The following FHL2 variants were observed in gnomAD, a reference collection of about 807,000 sequenced individuals.
The protein encoded by FHL2 is four and a half LIM domains 2, also known as four and a half LIM domains protein 2.
Under a neutral mutation model 32.7 loss-of-function variants are expected in FHL2, and 20 were observed. The observed-to-expected ratio is 0.61, with a 90% CI of 0.43 to 0.89. The LOEUF is 0.89. FHL2 is among the 40% of genes least tolerant of loss of function. FHL2 has a pLI of 0.00. For synonymous variants in FHL2, 123 were observed against 128.1 expected (o/e 0.96, Z 0.27); for missense variants, 311 against 358.6 (o/e 0.87, Z 1.07).
intron 1 of FHL2, among the ~76,000 whole-genome samples, chr2:105,420,555 C>A (rs1382633454): frequency 2.0e-5 from 3 of 152,068 alleles, no homozygotes; most frequent in Non-Finnish European, 4.4e-5. Flanking sequence ...TTATTCATAA[C>A]TAATAGTAAC....
rs571063377 is a variant in FHL2 at position 105,412,686 on chromosome 2, G to T, written c.-25+25713C>A. 2.6e-5 allele frequency among the ~76,000 whole-genome samples: 4 copies of T among 152,322 alleles called. No homozygotes were observed. In the East Asian group the frequency reaches 7.7e-4, roughly 29 times the overall value. ...AGCTCCAGGGGAGCCTAAGGTTTAG[G>T]GGGCAGCATCCGCAGAGGTGGCTGA... On this transcript the variant is annotated intron_variant, in intron 1 of 5. Coordinates refer to the FHL2 transcript ENST00000393352.
chr2:105,406,881 C>T (rs1683647251), intron 1 of FHL2, among the ~76,000 whole-genome samples: 1 of 152,130 alleles, frequency 6.6e-6, no homozygotes, highest in Non-Finnish European at 1.5e-5. Flanking sequence ...CTGGTGGACT[C>T]CTGTTTATCC....
At chr2:105,369,162 T>C (rs1680846051) in intron 4 of FHL2, among the ~76,000 whole-genome samples, 1 of 152,164 alleles carries the variant, frequency 6.6e-6, no homozygotes, top group Non-Finnish European at 1.5e-5. Context: ...GAGGGTCACA[T>C]ACATGTGACT....
chr2:105,421,025 A>T (rs1010674877), intron 1 of FHL2, among the ~76,000 whole-genome samples: 26 of 152,184 alleles, frequency 1.7e-4, no homozygotes, highest in African/African-American at 6.0e-4. Flanking sequence ...AGAATGGGGC[A>T]CTGGGGTTGT....
At chr2:105,373,465 C>G (rs1681237689) in intron 4 of FHL2, 94 bp downstream of exon 4, 3 of 1,392,226 alleles carry the variant, frequency 2.2e-6, no homozygotes, top group Non-Finnish European at 3.0e-6. Flanking sequence ...ACACGAGTGT[C>G]TGGAACCAAG....
intron 4 of FHL2, among the ~76,000 whole-genome samples, chr2:105,373,084 A>G (rs1045816607): frequency 2.6e-5 from 4 of 152,148 alleles, no homozygotes; most frequent in African/African-American, 9.7e-5. Flanking sequence ...CGTCTAGAAC[A>G]CCAACTCTAC....
At chr2:105,414,555 G>C (rs747956015) in intron 1 of FHL2, among the ~76,000 whole-genome samples, 1 of 152,056 alleles carries the variant, frequency 6.6e-6, no homozygotes, top group Non-Finnish European at 1.5e-5. Context: ...GTTTGGTTTG[G>C]TTTGGTTTGG....
At chr2:105,394,310 G>A (rs1347974042) in intron 2 of FHL2, among the ~76,000 whole-genome samples, 1 of 152,050 alleles carries the variant, frequency 6.6e-6, no homozygotes, top group Non-Finnish European at 1.5e-5. Context: ...CCTAAAGAGA[G>A]AGGATCTCTT....
intron 1 of FHL2, among the ~76,000 whole-genome samples, chr2:105,420,453 G>A (rs1684067149): frequency 6.6e-6 from 1 of 152,110 alleles, no homozygotes; most frequent in African/African-American, 2.4e-5. Context: ...TTCCGAATAA[G>A]GCCATAGAGT....
rs368662169 is a variant in FHL2, at chr2:105,386,331, C to T, written c.156+30G>A. ...AAACCCGTGTTTCCTAGGGGAGCGC[C>T]GGGGACCCGCAGAGGCCCGCAGCAG... is the stretch of plus-strand genomic sequence containing the variant. On this transcript the variant is annotated intron_variant, in intron 3 of 6. Transcript: ENST00000530340. 2.1e-5 allele frequency: 33 copies of T among 1,608,536 alleles called. No homozygotes were observed. The African/African-American group carries it at 3.1e-4, about 15-fold the overall frequency.
At chr2:105,381,466 G>A (rs1328475572) in intron 3 of FHL2, among the ~76,000 whole-genome samples, 1 of 152,100 alleles carries the variant, frequency 6.6e-6, no homozygotes, top group East Asian at 1.9e-4. Flanking sequence ...GTCAAAGGTG[G>A]AGCCAGGGAG....
At chr2:105,420,693 G>T (rs948704922) in intron 1 of FHL2, among the ~76,000 whole-genome samples, 1 of 152,148 alleles carries the variant, frequency 6.6e-6, no homozygotes, top group Admixed American at 6.5e-5. Flanking sequence ...GAATTGGGAG[G>T]TGGGGGGCAG....
At chr2:105,406,774 T>C (rs1380561502) in intron 1 of FHL2, among the ~76,000 whole-genome samples, 1 of 152,232 alleles carries the variant, frequency 6.6e-6, no homozygotes, top group Non-Finnish European at 1.5e-5. Flanking sequence ...CCCTCGCTGC[T>C]CACTCTCTTT....
chr2:105,437,137 G>A (rs960867057), intron 1 of FHL2, among the ~76,000 whole-genome samples: 10 of 152,142 alleles, frequency 6.6e-5, no homozygotes, highest in African/African-American at 1.4e-4. Context: ...AGGGAACCCC[G>A]TATTGGAAAA....
At chr2:105,435,295 A>G (rs1436645588) in intron 1 of FHL2, among the ~76,000 whole-genome samples, 3 of 152,300 alleles carry the variant, frequency 2.0e-5, no homozygotes, top group Admixed American at 2.0e-4. Context: ...ACATATATGT[A>G]ATGTTTTCAT....
chr2:105,415,797 C>T (rs1311956384), intron 1 of FHL2, among the ~76,000 whole-genome samples: 3 of 152,142 alleles, frequency 2.0e-5, no homozygotes, highest in Non-Finnish European at 4.4e-5. Context: ...TCTTTGTGGC[C>T]CTAACCCCAA....
At chr2:105,405,843 C>A (rs1683614528) in intron 1 of FHL2, among the ~76,000 whole-genome samples, 1 of 152,228 alleles carries the variant, frequency 6.6e-6, no homozygotes, top group Non-Finnish European at 1.5e-5. Flanking sequence ...AGGTAACACC[C>A]TTCACCTTTG....
In FHL2 at chr2:105,405,688, G is replaced by A. The variant is rs374804850; in HGVS notation, c.-24-19148C>T. Among the ~76,000 whole-genome samples the A allele has an allele frequency of 6.6e-5, 10 of 152,320 alleles. No homozygotes were observed. The East Asian group carries it at 1.5e-3, about 23-fold the overall frequency. Reference sequence around the variant, plus strand: ...TTCTCTCTTCACTGCCACCAAGGTCGTTTTGTGCTATTTCCACTTTGATTA... The same window carrying A: ...TTCTCTCTTCACTGCCACCAAGGTCATTTTGTGCTATTTCCACTTTGATTA... On this transcript the variant is annotated intron_variant, in intron 1 of 5. Coordinates refer to the FHL2 transcript ENST00000393352.
chr2:105,367,725 C>T lies in FHL2; in HGVS notation c.346G>A (p.Glu116Lys). ...KTIMPGTRKM[E>K]YKGSSWHETC... ...TCATGCCAGCTGCTGCCCTTGTACTCCATCTTGCGGGTACCTGTCATCAGG... is the reference window on the plus strand; with the variant it reads ...TCATGCCAGCTGCTGCCCTTGTACTTCATCTTGCGGGTACCTGTCATCAGG... The change falls in exon 5 of 7, where the codon GAG (glutamate) becomes AAG (lysine). Residue 116 changes from glutamate (E) to lysine (K), a missense_variant. By Grantham distance (56) the Glu-to-Lys change is moderately conservative (BLOSUM62 1). Coordinates refer to ENST00000530340, the MANE Select transcript of FHL2 (RefSeq NM_001318895.3). 6.2e-7 allele frequency: 1 copy of T among 1,613,832 alleles called. No homozygotes were observed. The highest frequency in any genetic ancestry group is 8.5e-7 in the Non-Finnish European group (1 of 1,179,852).
Sources: allele counts gnomAD v4.1 joint callset (sites outside exome capture counted in the v4.1 genomes callset), GRCh38; gene constraint gnomAD v4.1.1; transcripts MANE v1.5; gene names NCBI Gene and HGNC (gene_info 2026-07-23, HGNC 2026-07-21).